The following CCDC14 variants were observed in gnomAD, a reference collection of about 807,000 sequenced individuals.
CCDC14 encodes the protein coiled-coil domain-containing protein 14.
In CCDC14, 71 loss-of-function variants were observed where a neutral mutation model predicts 81.4. The observed-to-expected ratio is 0.87, with a 90% CI of 0.72 to 1.06. The LOEUF (loss-of-function observed/expected upper bound fraction) is 1.06, where lower values mean the gene tolerates loss of function less well. CCDC14 is among the 50% of genes least tolerant of loss of function. The pLI is 0.00. For missense variants in CCDC14, 1,046 were observed against 1,047.3 expected (o/e 1.00, Z 0.02); for synonymous variants, 332 against 364.8 (o/e 0.91, Z 1.03).
chr3:123,900,916 C>T (rs1459590628), intron 5 of CCDC14, among the ~76,000 whole-genome samples: 1 of 151,932 alleles, frequency 6.6e-6, no homozygotes, highest in African/African-American at 2.4e-5. Flanking sequence ...CAAAGAATAG[C>T]TAGTAAAACT....
chr3:123,917,005 C>G (rs1480537854), intron 12 of CCDC14, among the ~76,000 whole-genome samples: 1 of 151,650 alleles, frequency 6.6e-6, no homozygotes, highest in Non-Finnish European at 1.5e-5. Context: ...CCACGCAGGG[C>G]TAATTTTTCT....
intron 10 of CCDC14, among the ~76,000 whole-genome samples, chr3:123,933,167 T>G (rs1250974748): frequency 2.0e-5 from 3 of 152,024 alleles, no homozygotes; most frequent in African/African-American, 7.3e-5. Flanking sequence ...ATACAAAGAT[T>G]TTCACTGCAA....
intron 12 of CCDC14, among the ~76,000 whole-genome samples, chr3:123,924,234 C>T (rs772853128): frequency 7.9e-5 from 12 of 151,780 alleles, no homozygotes; most frequent in Non-Finnish European, 1.0e-4. Flanking sequence ...TGGAGATCCA[C>T]GTACAGAAGA....
At chr3:123,934,358 T>C (rs984423499) in intron 9 of CCDC14, among the ~76,000 whole-genome samples, 2 of 151,982 alleles carry the variant, frequency 1.3e-5, no homozygotes, top group Non-Finnish European at 2.9e-5. Context: ...GTTTTTTTTC[T>C]ATTTCTTTCC....
At chr3:123,896,476 G>C (rs1035001807), downstream of CCDC14, among the ~76,000 whole-genome samples, 2 of 152,118 alleles carry the variant, frequency 1.3e-5, no homozygotes, top group South Asian at 4.2e-4. Context: ...TCAAAAAGAA[G>C]AAAATCCTTC....
intron 5 of CCDC14, chr3:123,955,480 A>C (rs2037272543): frequency 1.3e-5 from 2 of 151,814 alleles, no homozygotes; most frequent in African/African-American, 2.4e-5. Flanking sequence ...TATAAATATA[A>C]TAATTTTAAA....
chr3:123,913,671 TAAAAA>T lies in CCDC14; in HGVS notation c.*1103_*1107del. ...CTTCAAACGCTGTAGCACTAACACCTAAAAAAAAAAAAAAAACCACCAAAAAAACA... is the reference window on the plus strand; with the variant it reads ...CTTCAAACGCTGTAGCACTAACACCTAAAAAAAAAAACCACCAAAAAAACA... On this transcript the variant is annotated 3_prime_UTR_variant, in exon 13 of 13. Transcript: ENST00000409697. 1.1e-6 allele frequency: 1 copy of T among 907,222 alleles called. No individual in the cohort carries two copies. The highest frequency in any genetic ancestry group is 1.3e-6 in the Non-Finnish European group (1 of 774,924). The allele number at this position is 907,222 out of a possible 1,614,324, so 56.2% of individuals were successfully genotyped here.
chr3:123,909,484 C>T (rs1220460697), downstream of CCDC14, among the ~76,000 whole-genome samples: 1 of 152,158 alleles, frequency 6.6e-6, no homozygotes, highest in African/African-American at 2.4e-5. Context: ...TTAGTAATGA[C>T]TTTGGTGGAA....
the CCDC14 span, among the ~76,000 whole-genome samples, chr3:123,891,082 T>C: frequency 6.6e-6 from 1 of 152,208 alleles, no homozygotes; most frequent in Non-Finnish European, 1.5e-5. Context: ...CCAAGCTCTA[T>C]ATTGGCCCCT....
the CCDC14 span, among the ~76,000 whole-genome samples, chr3:123,885,521 C>A: frequency 6.6e-6 from 1 of 151,020 alleles, no homozygotes; most frequent in Non-Finnish European, 1.5e-5. Context: ...CTTTTCCTTA[C>A]AATTATTTGT....
At chr3:123,924,509 G>A (rs909245131) in intron 12 of CCDC14, among the ~76,000 whole-genome samples, 6 of 152,048 alleles carry the variant, frequency 3.9e-5, no homozygotes, top group African/African-American at 1.4e-4. Context: ...GACAAGCCAT[G>A]GTGTGGGAGA....
chr3:123,949,353 C>CCTG, intron 5 of CCDC14: 1 of 500,488 alleles, frequency 2.0e-6, no homozygotes, highest in Non-Finnish European at 3.5e-6. Context: ...TATACTAATT[C>CCTG]TTTACAATTC....
At chr3:123,906,316 C>T (rs547821800) in intron 5 of CCDC14, among the ~76,000 whole-genome samples, 4 of 150,146 alleles carry the variant, frequency 2.7e-5, no homozygotes, top group African/African-American at 9.8e-5. Context: ...GGCGACAGAG[C>T]GAGACTCCAT....
chr3:123,894,947 A>G (rs2034037489), downstream of CCDC14, among the ~76,000 whole-genome samples: 1 of 152,194 alleles, frequency 6.6e-6, no homozygotes, highest in Admixed American at 6.5e-5. Flanking sequence ...TAGTGACTAG[A>G]GACAAAGAGG....
Position 123,949,113 on chromosome 3 carries a change from T to C in CCDC14, c.372A>G (p.Lys124=), listed in dbSNP as rs1229081904. ...TAGCAGAAGCTTCATTAGGTATCTG[T>C]TTCTTATTATCTGAAGATGCTAATG... ...QKETSSSDNK[K]QIPNEASARS... is the part of the protein sequence containing the mutation. Residue 124 remains lysine, a synonymous_variant, in exon 6 of 13, where the codon AAA becomes AAG. Coordinates refer to ENST00000409697, the MANE Select transcript of CCDC14 (RefSeq NM_001366335.1). The C allele has an allele frequency of 6.2e-7, 1 of 1,601,378 alleles. No homozygotes were observed. The highest frequency in any genetic ancestry group is 8.5e-7 in the Non-Finnish European group (1 of 1,172,166).
intron 9 of CCDC14, among the ~76,000 whole-genome samples, chr3:123,944,336 A>C (rs1405441044): frequency 6.6e-6 from 1 of 152,128 alleles, no homozygotes; most frequent in Non-Finnish European, 1.5e-5. Context: ...AGTGGTAGCG[A>C]AACGATCACT....
intron 5 of CCDC14, among the ~76,000 whole-genome samples, chr3:123,902,985 C>T (rs543078374): frequency 6.6e-6 from 1 of 152,228 alleles, no homozygotes; most frequent in Non-Finnish European, 1.5e-5. Context: ...CACCCACCGA[C>T]AGGCCCCAGT....
At chr3:123,940,716 C>T (rs1184722620) in intron 9 of CCDC14, among the ~76,000 whole-genome samples, 1 of 151,926 alleles carries the variant, frequency 6.6e-6, no homozygotes, top group Non-Finnish European at 1.5e-5. Flanking sequence ...ATCAGATTGT[C>T]TCCAGTGTCT....
chr3:123,952,663 T>G, intron 5 of CCDC14: 1 of 518,178 alleles, frequency 1.9e-6, no homozygotes, highest in Non-Finnish European at 4.0e-6. Flanking sequence ...AGAAAGTACA[T>G]AAGGAGGCCA....
Sources: gnomAD v4.1 joint callset for allele counts (sites outside exome capture counted in the v4.1 genomes callset) on GRCh38, gnomAD v4.1.1 for gene constraint, MANE v1.5 for transcripts, NCBI Gene and HGNC (gene_info 2026-07-23, HGNC 2026-07-21) for gene names.